The following WNT2B variants were observed in gnomAD, a reference collection of about 807,000 sequenced individuals.
WNT2B encodes the protein Wnt family member 2B.
In WNT2B, 19 loss-of-function variants were observed where a neutral mutation model predicts 40.5. The ratio of observed to expected loss-of-function variants is 0.47; its 90% CI spans 0.33 to 0.69. The LOEUF (loss-of-function observed/expected upper bound fraction) is 0.69, where lower values mean the gene tolerates loss of function less well. WNT2B is among the 30% of genes least tolerant of loss of function. The pLI, the probability that WNT2B is intolerant of heterozygous loss-of-function variation, is 0.02. For synonymous variants in WNT2B, 220 were observed against 211.9 expected, an observed-to-expected ratio of 1.04 and a Z score of -0.33; for missense variants, 467 against 556.4, an observed-to-expected ratio of 0.84 and a Z score of 1.62.
intron 1 of WNT2B, among the ~76,000 whole-genome samples, chr1:112,491,532 AAGACAGGAAGAGCATTTC>A: frequency 6.6e-6 from 1 of 152,334 alleles, no homozygotes; most frequent in East Asian, 1.9e-4. Flanking sequence ...AGCTAATTAG[AAGACAGGAAGAGCATTTC>A]AGGCCAAGGG....
intron 1 of WNT2B, among the ~76,000 whole-genome samples, chr1:112,500,557 C>T (rs1651914037): frequency 6.6e-6 from 1 of 152,040 alleles, no homozygotes; most frequent in African/African-American, 2.4e-5. Flanking sequence ...ATTGCTTTAG[C>T]CCAGGAGTTC....
rs1261670282 is a variant in WNT2B, at chr1:112,515,605, T to C, written c.403+511T>C. 1.3e-5 allele frequency among the ~76,000 whole-genome samples: 2 copies of C among 152,072 alleles called. No individual in the cohort carries two copies. The highest frequency in any genetic ancestry group is 4.8e-5 in the African/African-American group (2 of 41,408). On this transcript the variant is annotated intron_variant, in intron 2 of 4. Coordinates refer to ENST00000369684, the MANE Select transcript of WNT2B (RefSeq NM_024494.3). This position sits in a 1 kb window ranked among gnomAD's most constrained non-coding sequence, Gnocchi z 4.4. Reference sequence around the variant, plus strand: ...GTAAACTAGGAGAAAGGGAACAAGATGGGAATCTGGAGGTGTCAGGCATAC... The same window carrying C: ...GTAAACTAGGAGAAAGGGAACAAGACGGGAATCTGGAGGTGTCAGGCATAC...
chr1:112,466,609 T>G (rs1650717440), exon 1 of WNT2B: 1 of 152,176 alleles, frequency 6.6e-6, no homozygotes, highest in African/African-American at 2.4e-5. Flanking sequence ...GACTTAAAAC[T>G]GGTCATTGAC....
chr1:112,496,347 C>G (rs191152102), intron 1 of WNT2B, among the ~76,000 whole-genome samples: 1 of 152,246 alleles, frequency 6.6e-6, no homozygotes, highest in African/African-American at 2.4e-5. Flanking sequence ...GCCTCTGGCC[C>G]CCACAAAGTC....
intron 1 of WNT2B, among the ~76,000 whole-genome samples, chr1:112,501,228 T>G (rs1462249802): frequency 6.6e-6 from 1 of 152,178 alleles, no homozygotes; most frequent in Non-Finnish European, 1.5e-5. Context: ...AGAGGGAAAG[T>G]GTTGTTTTAT....
chr1:112,470,868 G>A (rs184446781), intron 1 of WNT2B, among the ~76,000 whole-genome samples: 1 of 136,000 alleles, frequency 7.4e-6, no homozygotes, highest in East Asian at 2.6e-4. Context: ...CTGTGCCACT[G>A]CTGGGGGCAA....
intron 1 of WNT2B, among the ~76,000 whole-genome samples, chr1:112,510,658 C>A (rs1243618218): frequency 6.6e-6 from 1 of 152,056 alleles, no homozygotes; most frequent in African/African-American, 2.4e-5. Context: ...TTATCCCAAC[C>A]CCCACCCCCT....
At chr1:112,491,012 C>A (rs775031995) in intron 1 of WNT2B, 10 of 1,614,060 alleles carry the variant, frequency 6.2e-6, no homozygotes, top group Admixed American at 1.7e-5. Flanking sequence ...TCCGACCAGA[C>A]TGAAGGATCC....
intron 1 of WNT2B, among the ~76,000 whole-genome samples, chr1:112,476,080 T>C (rs1425420646): frequency 5.3e-5 from 8 of 152,162 alleles, no homozygotes; most frequent in African/African-American, 1.9e-4. Flanking sequence ...TTTTAAAAGA[T>C]CTAAATCATG....
chr1:112,510,091 C>T (rs1241162562), intron 1 of WNT2B, among the ~76,000 whole-genome samples: 1 of 152,140 alleles, frequency 6.6e-6, no homozygotes, highest in East Asian at 1.9e-4. Flanking sequence ...TTCCCATCTC[C>T]CATTTCTCCC....
chr1:112,476,011 A>T (rs1453014310), intron 1 of WNT2B, among the ~76,000 whole-genome samples: 1 of 152,188 alleles, frequency 6.6e-6, no homozygotes, highest in Non-Finnish European at 1.5e-5. Context: ...TTTTTAATGC[A>T]CACATAGAAC....
intron 1 of WNT2B, among the ~76,000 whole-genome samples, chr1:112,498,378 C>A (rs1437043043): frequency 3.3e-5 from 5 of 151,928 alleles, no homozygotes; most frequent in African/African-American, 4.8e-5. Flanking sequence ...CTCAGCCTCC[C>A]AAGTAGCTGG....
rs1381139176 is a variant in WNT2B, at chr1:112,529,062, C to T, written c.*8553C>T. On this transcript the variant is annotated 3_prime_UTR_variant, in exon 5 of 5. Coordinates refer to ENST00000369684, the MANE Select transcript of WNT2B (RefSeq NM_024494.3). ...CTTCCCTAACTTCTGAGGATAAAAA[C>T]CATAAGGGCAATCTTATTCTTCCAA... 1.3e-5 allele frequency: 2 copies of T among 152,178 alleles called. No individual in the cohort carries two copies. The highest frequency in any genetic ancestry group is 1.3e-4 in the Admixed American group (2 of 15,268). 9.4% of individuals were successfully genotyped at this position (152,178 alleles called of 1,614,324 possible).
exon 1 of WNT2B, chr1:112,467,355 C>G: frequency 1.7e-6 from 1 of 579,120 alleles, no homozygotes; most frequent in Non-Finnish European, 3.1e-6. Context: ...TGAGCACAGG[C>G]ACATTTACCA....
Position 112,526,047 on chromosome 1 carries a change from A to G in WNT2B, c.*5538A>G. On this transcript the variant is annotated 3_prime_UTR_variant, in exon 5 of 5. Transcript: ENST00000369684. ...ACTCAAACCTAGGTCTTCTGACTTC[A>G]AATCCTGTGTATTCTCCTCAAAGCC... 1 of 1,614,180 alleles carries G rather than the reference A, an allele frequency of 6.2e-7. No homozygotes were observed. The highest frequency in any genetic ancestry group is 8.5e-7 in the Non-Finnish European group (1 of 1,180,034).
chr1:112,491,051 C>T (rs773932825), intron 1 of WNT2B: 1 of 1,614,106 alleles, frequency 6.2e-7, no homozygotes, highest in African/African-American at 1.3e-5. Context: ...GGCATACCTA[C>T]ACAGTCAGCG....
chr1:112,473,200 GGGAA>G (rs1201942882), intron 1 of WNT2B, among the ~76,000 whole-genome samples: 2 of 145,574 alleles, frequency 1.4e-5, no homozygotes, highest in East Asian at 2.0e-4. Context: ...GAGAGAGGGA[GGGAA>G]GGAGGGAGGG....
chr1:112,518,939 A>C (rs970775690), intron 4 of WNT2B, among the ~76,000 whole-genome samples: 1 of 152,232 alleles, frequency 6.6e-6, no homozygotes, highest in Non-Finnish European at 1.5e-5. Flanking sequence ...ATTACTGAGT[A>C]CTTGGAATAT....
intron 1 of WNT2B, among the ~76,000 whole-genome samples, chr1:112,498,348 G>A (rs1039191139): frequency 2.6e-5 from 4 of 151,866 alleles, no homozygotes; most frequent in African/African-American, 9.7e-5. Context: ...CTACCTCCTG[G>A]GTTCAAGTGA....
Sources: gnomAD v4.1 joint callset for allele counts (sites outside exome capture counted in the v4.1 genomes callset) on GRCh38, gnomAD v4.1.1 for gene constraint, Gnocchi (gnomAD v3.1) non-coding constraint, MANE v1.5 for transcripts, NCBI Gene and HGNC (gene_info 2026-07-23, HGNC 2026-07-21) for gene names.